The following CPQ variants were observed in gnomAD, a reference collection of about 807,000 sequenced individuals.
CPQ encodes the protein carboxypeptidase Q.
In CPQ, 37 loss-of-function variants were observed where a neutral mutation model predicts 45.7. The observed-to-expected ratio is 0.81, with a 90% confidence interval of 0.62 to 1.07. The LOEUF is 1.07. Ranked by LOEUF, CPQ falls within the 50% of genes least tolerant of loss-of-function variation. The pLI is 0.00. For synonymous variants in CPQ, 186 were observed against 205.8 expected, an observed-to-expected ratio of 0.90 and a Z score of 0.82; for missense variants, 537 against 572.9, an observed-to-expected ratio of 0.94 and a Z score of 0.64.
chr8:96,652,840 T>C (rs1343860728), intron 1 of CPQ, among the ~76,000 whole-genome samples: 1 of 152,178 alleles, frequency 6.6e-6, no homozygotes, highest in Non-Finnish European at 1.5e-5. Flanking sequence ...TTCACTTTGT[T>C]AGCCAGGATT....
At chr8:96,954,191 A>G (rs929197291) in intron 4 of CPQ, among the ~76,000 whole-genome samples, 1 of 152,172 alleles carries the variant, frequency 6.6e-6, no homozygotes, top group Non-Finnish European at 1.5e-5. Context: ...AAATTTTAAA[A>G]TACATGTTTT....
chr8:96,728,954 A>G (rs1454796631), intron 1 of CPQ, among the ~76,000 whole-genome samples: 2 of 152,198 alleles, frequency 1.3e-5, no homozygotes, highest in African/African-American at 4.8e-5. Context: ...CAAGAGGAAA[A>G]AAAACAAACA....
intron 5 of CPQ, among the ~76,000 whole-genome samples, chr8:97,007,751 T>C (rs1355578043): frequency 1.3e-5 from 2 of 152,182 alleles, no homozygotes; most frequent in African/African-American, 4.8e-5. Context: ...CATTTCTAGA[T>C]GAGAGGAGAA....
chr8:96,788,468 A>G (rs769016591), intron 2 of CPQ, among the ~76,000 whole-genome samples: 1 of 151,966 alleles, frequency 6.6e-6, no homozygotes, highest in East Asian at 1.9e-4. Context: ...CCTGGACTCC[A>G]TTGTTTTGAT....
At chr8:96,697,697 G>A (rs1809404310) in intron 1 of CPQ, among the ~76,000 whole-genome samples, 1 of 152,070 alleles carries the variant, frequency 6.6e-6, no homozygotes. Context: ...AAAATGAGTA[G>A]TATTTCTATA....
intron 4 of CPQ, among the ~76,000 whole-genome samples, chr8:96,931,933 T>G (rs941601257): frequency 6.6e-6 from 1 of 151,300 alleles, no homozygotes; most frequent in East Asian, 1.9e-4. Flanking sequence ...CTATTTCCCT[T>G]TAGCCAATCA....
chr8:97,108,373 G>A (rs1282833690), intron 7 of CPQ, among the ~76,000 whole-genome samples: 2 of 152,152 alleles, frequency 1.3e-5, no homozygotes, highest in Non-Finnish European at 2.9e-5. Context: ...TTAGGAGTCT[G>A]GGGGTTCCCA....
At chr8:96,912,602 C>T (rs1422609647) in intron 4 of CPQ, among the ~76,000 whole-genome samples, 1 of 152,146 alleles carries the variant, frequency 6.6e-6, no homozygotes, top group East Asian at 1.9e-4. Context: ...AGCCAAATGT[C>T]TGACCTTATA....
intron 2 of CPQ, among the ~76,000 whole-genome samples, chr8:96,820,163 T>C (rs1255419429): frequency 6.6e-6 from 1 of 152,062 alleles, no homozygotes; most frequent in African/African-American, 2.4e-5. Flanking sequence ...AACATTGTCT[T>C]GTCCCTTCTT....
At chr8:97,000,463 G>T (rs916262288) in intron 5 of CPQ, among the ~76,000 whole-genome samples, 4 of 152,098 alleles carry the variant, frequency 2.6e-5, no homozygotes, top group African/African-American at 9.7e-5. Flanking sequence ...CATATGGCTA[G>T]CCAGTTATTC....
Position 96,796,661 on chromosome 8 carries a change from A to G in CPQ, c.433+11331A>G, listed in dbSNP as rs181158198. On this transcript the variant is annotated intron_variant, in intron 2 of 7. Coordinates refer to ENST00000220763, the MANE Select transcript of CPQ (RefSeq NM_016134.4). The stretch of plus-strand genomic sequence containing the variant: ...CATACTTTGGAACATCAGTGTCATT[A>G]TTCGAAGATTGGTGAATGCCATGCT... Among the ~76,000 whole-genome samples, 350 of 152,318 alleles carry G rather than the reference A, an allele frequency of 2.3e-3. 4 individuals are homozygous for G. Among genetic ancestry groups the G allele is most frequent in the African/African-American group, 8.2e-3 (341 of 41,582 alleles).
At chr8:97,140,867 C>A (rs1812147365) in intron 7 of CPQ, among the ~76,000 whole-genome samples, 1 of 151,902 alleles carries the variant, frequency 6.6e-6, no homozygotes. Flanking sequence ...ACAAATAGAT[C>A]ACTGAAACAA....
At chr8:96,789,376 T>C (rs1435061065) in intron 2 of CPQ, among the ~76,000 whole-genome samples, 1 of 152,220 alleles carries the variant, frequency 6.6e-6, no homozygotes, top group African/African-American at 2.4e-5. Context: ...GTGATGTCTA[T>C]TTCTCCTACA....
At position 97,012,364 on chromosome 8, in the gene CPQ, A is replaced by G. The variant is rs1290992467; in HGVS notation, c.962-17039A>G. ...AGAAGGACAGTGATGATGTGTTTCA[A>G]TGTATTAAATGTTGAAATTTAAATG... On this transcript the variant is annotated intron_variant, in intron 5 of 7. Coordinates refer to ENST00000220763, the MANE Select transcript of CPQ (RefSeq NM_016134.4). Among the ~76,000 whole-genome samples the G allele has an allele frequency of 6.6e-5, 10 of 152,346 alleles. No individual in the cohort carries two copies. In the East Asian group the frequency reaches 7.7e-4, roughly 12 times the overall value.
intron 2 of CPQ, among the ~76,000 whole-genome samples, chr8:96,827,104 A>G (rs1045218982): frequency 6.6e-6 from 1 of 152,050 alleles, no homozygotes; most frequent in Non-Finnish European, 1.5e-5. Flanking sequence ...TTGGCCAGAG[A>G]AAGTCTCTTG....
intron 4 of CPQ, among the ~76,000 whole-genome samples, chr8:96,909,543 G>T (rs1812627729): frequency 6.6e-6 from 1 of 152,186 alleles, no homozygotes; most frequent in Non-Finnish European, 1.5e-5. Context: ...TAATGAGAGG[G>T]AGAGCTGTGT....
intron 1 of CPQ, among the ~76,000 whole-genome samples, chr8:96,660,264 T>A (rs1466158262): frequency 6.6e-6 from 1 of 152,142 alleles, no homozygotes; most frequent in South Asian, 2.1e-4. Context: ...CTCGAGGTAC[T>A]TACATAGTCT....
intron 6 of CPQ, among the ~76,000 whole-genome samples, chr8:97,030,508 T>C (rs926686085): frequency 6.6e-6 from 1 of 152,176 alleles, no homozygotes; most frequent in South Asian, 2.1e-4. Context: ...CCCTACTCTT[T>C]CACCACTTTA....
intron 5 of CPQ, among the ~76,000 whole-genome samples, chr8:96,974,607 G>T (rs964133907): frequency 6.6e-6 from 1 of 152,006 alleles, no homozygotes; most frequent in African/African-American, 2.4e-5. Flanking sequence ...TAGACCATAT[G>T]ATAGGCCACA....
Sources: gnomAD v4.1 joint callset for allele counts (sites outside exome capture counted in the v4.1 genomes callset) on GRCh38, gnomAD v4.1.1 for gene constraint, MANE v1.5 for transcripts, NCBI Gene and HGNC (gene_info 2026-07-23, HGNC 2026-07-21) for gene names.